Variants in MTSS1 observed in about 807,000 individuals in gnomAD.
The protein encoded by MTSS1 is MTSS I-BAR domain containing 1.
In MTSS1, 18 loss-of-function variants were observed where a neutral mutation model predicts 79.0. The ratio of observed to expected loss-of-function variants is 0.23; its 90% CI spans 0.16 to 0.34. The LOEUF is 0.34. MTSS1 is among the 10% of genes least tolerant of loss of function. The pLI, the probability that MTSS1 is intolerant of heterozygous loss-of-function variation, is 1.00. For missense variants in MTSS1, 815 were observed against 986.2 expected, an observed-to-expected ratio of 0.83 and a Z score of 2.33; for synonymous variants, 341 against 368.6, an observed-to-expected ratio of 0.93 and a Z score of 0.86.
intron 3 of MTSS1, among the ~76,000 whole-genome samples, chr8:124,641,574 G>A (rs904943630): frequency 2.0e-5 from 3 of 152,178 alleles, no homozygotes; most frequent in Admixed American, 1.3e-4. Flanking sequence ...CTGATTTATC[G>A]TGGTATCTCT....
chr8:124,660,337 G>C (rs756020416), intron 3 of MTSS1, among the ~76,000 whole-genome samples: 8 of 151,808 alleles, frequency 5.3e-5, no homozygotes, highest in Non-Finnish European at 1.2e-4. Context: ...TTAACCAAAA[G>C]AAAGTAAACA....
intron 3 of MTSS1, among the ~76,000 whole-genome samples, chr8:124,615,954 G>C (rs113524375): frequency 6.6e-6 from 1 of 152,100 alleles, no homozygotes. Flanking sequence ...TATGGCAGCC[G>C]GGCCCCATGG....
At chr8:124,670,393 GCGGCACCCCACACAGCC>G (rs1823915096) in intron 3 of MTSS1, among the ~76,000 whole-genome samples, 1 of 150,908 alleles carries the variant, frequency 6.6e-6, no homozygotes, top group Non-Finnish European at 1.5e-5. Flanking sequence ...ACACAGCCTG[GCGGCACCCCACACAGCC>G]TGGCGGCACC....
chr8:124,652,794 CA>C (rs773654376), intron 3 of MTSS1, among the ~76,000 whole-genome samples: 95 of 74,492 alleles, frequency 1.3e-3, no homozygotes, highest in South Asian at 4.6e-3. Flanking sequence ...GACTCCGTCT[CA>C]AAAAAAAAAA....
chr8:124,711,163 C>T (rs1269420584), intron 1 of MTSS1, among the ~76,000 whole-genome samples: 1 of 152,144 alleles, frequency 6.6e-6, no homozygotes, highest in Non-Finnish European at 1.5e-5. Flanking sequence ...TATATACTGG[C>T]CCTTCCCAAG....
Position 124,632,298 on chromosome 8 carries a change from A to AG in MTSS1, c.209-41064dup, listed in dbSNP as rs1554684234. 2.2e-4 allele frequency among the ~76,000 whole-genome samples: 33 copies of AG among 149,350 alleles called. No homozygotes were observed. The East Asian group carries it at 4.2e-3, about 19-fold the overall frequency. ...CTGTCTCAAAAAAAAAAAAAAAAAA[A>AG]GGTAAGGAACAAGTTTCTCAATCCT... On this transcript the variant is annotated intron_variant, in intron 3 of 13. Coordinates refer to ENST00000518547, the MANE Select transcript of MTSS1 (RefSeq NM_014751.6).
intron 3 of MTSS1, among the ~76,000 whole-genome samples, chr8:124,600,663 C>T (rs946939144): frequency 6.6e-6 from 1 of 152,202 alleles, no homozygotes; most frequent in Non-Finnish European, 1.5e-5. Context: ...TAAGGACACA[C>T]TGGACAACAG....
chr8:124,718,357 AC>A (rs34771187), intron 1 of MTSS1, among the ~76,000 whole-genome samples: 5,726 of 150,980 alleles, frequency 0.038, 379 homozygotes, highest in African/African-American at 0.13. Flanking sequence ...GTTCCAGGGG[AC>A]CCCCGCTCCA....
Position 124,552,992 on chromosome 8 carries a change from C to T in MTSS1, c.2268G>A (p.Ter756=). 1 of 1,609,876 alleles carries T rather than the reference C, an allele frequency of 6.2e-7. No individual in the cohort carries two copies. Residue 756 remains the stop codon, a stop_retained_variant, in exon 14 of 14, where the codon TAG becomes TAA. Coordinates refer to ENST00000518547, the MANE Select transcript of MTSS1 (RefSeq NM_014751.6). ...CCCCACCGGCGCATTTCTTGTGAAC[C>T]TAAGAAAAGCGAGGGGCTGAGCGAT... ...TNDRSAPRFS[*]
intron 12 of MTSS1, 74 bp downstream of exon 12, chr8:124,556,158 C>G (rs777943064): frequency 6.2e-7 from 1 of 1,604,102 alleles, no homozygotes; most frequent in Admixed American, 1.7e-5. Flanking sequence ...CTTGGCCCCC[C>G]AGTTGCTGGC....
chr8:124,684,038 A>G (rs756590589), intron 3 of MTSS1, among the ~76,000 whole-genome samples: 1 of 152,260 alleles, frequency 6.6e-6, no homozygotes, highest in Non-Finnish European at 1.5e-5. Context: ...GCCACGGCCA[A>G]AACTTGGAGA....
chr8:124,624,804 G>GC (rs1439746458), intron 3 of MTSS1, among the ~76,000 whole-genome samples: 1 of 152,226 alleles, frequency 6.6e-6, no homozygotes, highest in East Asian at 1.9e-4. Context: ...TTTGCGCAGA[G>GC]CGGGGAGGTG....
At chr8:124,570,425 A>G (rs774209096) in intron 6 of MTSS1, among the ~76,000 whole-genome samples, 4 of 152,206 alleles carry the variant, frequency 2.6e-5, no homozygotes, top group Non-Finnish European at 5.9e-5. Flanking sequence ...GTGGTAAAAT[A>G]CGGTATTTTG....
At chr8:124,641,078 C>T (rs1817956830) in intron 3 of MTSS1, among the ~76,000 whole-genome samples, 1 of 150,934 alleles carries the variant, frequency 6.6e-6, no homozygotes, top group African/African-American at 2.4e-5. Flanking sequence ...AAAAACAAGT[C>T]TGGGGGAAAA....
At chr8:124,642,486 GATCTCTAGGC>G (rs1228878910) in intron 3 of MTSS1, among the ~76,000 whole-genome samples, 1 of 152,158 alleles carries the variant, frequency 6.6e-6, no homozygotes, top group African/African-American at 2.4e-5. Flanking sequence ...ACAACTATTA[GATCTCTAGGC>G]ATCTCCTTAG....
Position 124,728,070 on chromosome 8 carries a change from CG to C in MTSS1, c.-116del. ...CCTTCCGAGAGACCCACCTCGGACT[CG>C]CAGCCTCTTCTGCAGCGAGGACGGG... On this transcript the variant is annotated 5_prime_UTR_variant, in exon 1 of 14. Coordinates refer to ENST00000518547, the MANE Select transcript of MTSS1 (RefSeq NM_014751.6). This position sits in a 1 kb window ranked among gnomAD's most constrained non-coding sequence, Gnocchi z 6.1. The C allele has an allele frequency of 1.2e-6, 1 of 807,392 alleles. No individual in the cohort carries two copies. The highest frequency in any genetic ancestry group is 2.0e-6 in the Non-Finnish European group (1 of 505,642). 50.0% of individuals were successfully genotyped at this position (807,392 alleles called of 1,614,324 possible).
chr8:124,606,305 C>T (rs142394004), intron 3 of MTSS1, among the ~76,000 whole-genome samples: 229 of 151,662 alleles, frequency 1.5e-3, no homozygotes, highest in African/African-American at 5.1e-3. Flanking sequence ...CCCACAACTA[C>T]GCCCAGCTAA....
chr8:124,697,844 T>A (rs1829098529), intron 3 of MTSS1, among the ~76,000 whole-genome samples: 1 of 152,200 alleles, frequency 6.6e-6, no homozygotes, highest in African/African-American at 2.4e-5. Context: ...ACATACTGGA[T>A]GAAGAAACCA....
intron 6 of MTSS1, among the ~76,000 whole-genome samples, chr8:124,579,405 C>T (rs147315168): frequency 2.1e-3 from 317 of 152,182 alleles, no homozygotes; most frequent in Middle Eastern, 0.01. Flanking sequence ...AGGTGTCTTT[C>T]GGGGATAATG....
Sources: gnomAD v4.1 joint callset for allele counts (sites outside exome capture counted in the v4.1 genomes callset) on GRCh38, gnomAD v4.1.1 for gene constraint, Gnocchi (gnomAD v3.1) non-coding constraint, MANE v1.5 for transcripts, NCBI Gene and HGNC (gene_info 2026-07-23, HGNC 2026-07-21) for gene names.